Variants in IL7 observed in about 807,000 individuals in gnomAD.
The protein encoded by IL7 is interleukin 7, also known as interleukin-7.
In IL7, 3 loss-of-function variants were observed where a neutral mutation model predicts 21.6. That is an observed-to-expected ratio of 0.14 (90% CI 0.06 to 0.36). IL7 has a LOEUF of 0.36. Ranked by LOEUF, IL7 falls within the 10% of genes least tolerant of loss-of-function variation. IL7 has a pLI of 1.00. For missense variants in IL7, 175 were observed against 200.2 expected (o/e 0.87, Z 0.76); for synonymous variants, 62 against 68.1 (o/e 0.91, Z 0.44).
downstream of IL7, chr8:78,717,357 A>G: frequency 6.2e-7 from 1 of 1,611,498 alleles, no homozygotes; most frequent in Non-Finnish European, 8.5e-7. Flanking sequence ...TCTTCCCTTA[A>G]TGGTGGAAAT....
downstream of IL7, among the ~76,000 whole-genome samples, chr8:78,675,319 C>T (rs1321793233): frequency 1.3e-5 from 2 of 151,786 alleles, no homozygotes; most frequent in Admixed American, 1.3e-4. Flanking sequence ...ATTGTACTTT[C>T]TATTGTTTGG....
intron 2 of IL7, among the ~76,000 whole-genome samples, chr8:78,783,225 GC>G (rs1813399353): frequency 6.6e-6 from 1 of 152,154 alleles, no homozygotes; most frequent in Non-Finnish European, 1.5e-5. Flanking sequence ...GGAACCCAAG[GC>G]CCTTTTGGTG....
chr8:78,776,726 T>G (rs1813148915), intron 2 of IL7, among the ~76,000 whole-genome samples: 1 of 152,072 alleles, frequency 6.6e-6, no homozygotes, highest in Non-Finnish European at 1.5e-5. Flanking sequence ...TATTAGCCCA[T>G]TTAATTTATT....
Position 78,733,734 on chromosome 8 carries a change from C to A in IL7, c.513G>T (p.Leu171Phe). ...QEIKTCWNKI[L>F]MGTKEH ...TTTTTCAGTGTTCTTTAGTGCCCAT[C>A]AAAATTTTATTCCAACAAGTTTTTA... The change falls in exon 6 of 6, where the codon TTG becomes TTT. Residue 171 changes from leucine to phenylalanine, a missense_variant. Physicochemically the swap from Leu to Phe is conservative, Grantham distance 22 (BLOSUM62 0). Coordinates refer to ENST00000263851, the MANE Select transcript of IL7 (RefSeq NM_000880.4). 6.3e-7 allele frequency: 1 copy of A among 1,599,858 alleles called. No homozygotes were observed. The highest frequency in any genetic ancestry group is 8.5e-7 in the Non-Finnish European group (1 of 1,175,302).
At chr8:78,695,907 G>T (rs1417816485) in intron 3 of IL7, among the ~76,000 whole-genome samples, 1 of 152,110 alleles carries the variant, frequency 6.6e-6, no homozygotes, top group East Asian at 1.9e-4. Flanking sequence ...AGAGTTAGAA[G>T]GATATAATGT....
intron 2 of IL7, among the ~76,000 whole-genome samples, chr8:78,745,480 T>C (rs1266197130): frequency 6.6e-6 from 1 of 152,242 alleles, no homozygotes; most frequent in Non-Finnish European, 1.5e-5. Context: ...TCATACTATA[T>C]TGTTTTTAGC....
downstream of IL7, among the ~76,000 whole-genome samples, chr8:78,716,443 T>C (rs1413609185): frequency 6.6e-6 from 1 of 152,064 alleles, no homozygotes; most frequent in African/African-American, 2.4e-5. Context: ...TGTTAATAGA[T>C]AATAGAGACC....
chr8:78,756,574 T>C (rs1812355571), intron 2 of IL7, among the ~76,000 whole-genome samples: 1 of 151,916 alleles, frequency 6.6e-6, no homozygotes, highest in South Asian at 2.1e-4. Context: ...AATTGATTCA[T>C]TTCCGCTAGG....
At chr8:78,675,451 A>G (rs1444976039), downstream of IL7, among the ~76,000 whole-genome samples, 1 of 151,992 alleles carries the variant, frequency 6.6e-6, no homozygotes, top group Non-Finnish European at 1.5e-5. Context: ...TTTTGTTCTT[A>G]AAATGTAGTA....
chr8:78,685,593 A>C (rs1809943543), intron 4 of IL7, among the ~76,000 whole-genome samples: 1 of 152,254 alleles, frequency 6.6e-6, no homozygotes, highest in South Asian at 2.1e-4. Context: ...ATAACTCAAC[A>C]AATAAGTTGA....
At chr8:78,678,509 G>A in intron 4 of IL7, 1 of 1,425,092 alleles carries the variant, frequency 7.0e-7, no homozygotes, top group Non-Finnish European at 9.7e-7. Flanking sequence ...AAGTTCTGTA[G>A]TCTTACCTTC....
At chr8:78,773,451 A>G in intron 2 of IL7, among the ~76,000 whole-genome samples, 1 of 152,138 alleles carries the variant, frequency 6.6e-6, no homozygotes, top group East Asian at 1.9e-4. Flanking sequence ...AGATTTGTGG[A>G]GCAAGACAGG....
At chr8:78,708,906 T>C (rs925919485) in intron 3 of IL7, among the ~76,000 whole-genome samples, 7 of 152,118 alleles carry the variant, frequency 4.6e-5, no homozygotes, top group African/African-American at 1.7e-4. Context: ...CCTCAAGTGA[T>C]CCATCCACCT....
chr8:78,801,131 G>C (rs998375183), intron 1 of IL7, among the ~76,000 whole-genome samples: 21 of 152,240 alleles, frequency 1.4e-4, no homozygotes, highest in Non-Finnish European at 2.9e-4. Flanking sequence ...AGTGTTTTCT[G>C]TTGCCATTGT....
intron 3 of IL7, among the ~76,000 whole-genome samples, chr8:78,710,512 C>A (rs1810919324): frequency 6.6e-6 from 1 of 151,774 alleles, no homozygotes; most frequent in African/African-American, 2.4e-5. Flanking sequence ...AGGATTTGAC[C>A]ATTTCTTATC....
chr8:78,753,044 A>G (rs966637786), intron 2 of IL7, among the ~76,000 whole-genome samples: 4 of 152,168 alleles, frequency 2.6e-5, no homozygotes, highest in African/African-American at 9.7e-5. Context: ...GAATAGCTGC[A>G]ATAAACATAT....
intron 2 of IL7, among the ~76,000 whole-genome samples, chr8:78,754,261 G>A (rs1812272978): frequency 6.6e-6 from 1 of 152,024 alleles, no homozygotes; most frequent in South Asian, 2.1e-4. Flanking sequence ...ATAATAGAGA[G>A]CCAAATCATG....
chr8:78,722,839 C>A (rs968438288), intron 3 of IL7, among the ~76,000 whole-genome samples: 3 of 151,768 alleles, frequency 2.0e-5, no homozygotes, highest in Non-Finnish European at 2.9e-5. Context: ...ACAATCACAT[C>A]ATTTAAGTTT....
At chr8:78,678,952 T>C (rs2130445562) in intron 4 of IL7, 1 of 213,898 alleles carries the variant, frequency 4.7e-6, no homozygotes, top group East Asian at 9.7e-5. Context: ...TTTATAGCAT[T>C]GGAGAGCCAA....
Sources: gnomAD v4.1 joint callset for allele counts (sites outside exome capture counted in the v4.1 genomes callset) on GRCh38, gnomAD v4.1.1 for gene constraint, MANE v1.5 for transcripts, NCBI Gene and HGNC (gene_info 2026-07-23, HGNC 2026-07-21) for gene names.